Variants in SEPTIN6 observed in about 807,000 individuals in gnomAD.
SEPTIN6 encodes the protein septin-6.
In SEPTIN6, 8 loss-of-function variants were observed where a neutral mutation model predicts 33.6. That is an observed-to-expected ratio of 0.24 (90% CI 0.14 to 0.43). SEPTIN6 has a LOEUF of 0.43. Ranked by LOEUF, SEPTIN6 falls within the 20% of genes least tolerant of loss-of-function variation. SEPTIN6 has a pLI of 1.00. For missense variants in SEPTIN6, 250 were observed against 340.8 expected (o/e 0.73, Z 2.10); for synonymous variants, 131 against 140.0 (o/e 0.94, Z 0.45).
At chrX:119,685,885 T>C (rs2055047206) in intron 1 of SEPTIN6, among the ~76,000 whole-genome samples, 1 of 111,242 alleles carries the variant, frequency 9.0e-6, no homozygotes, top group Admixed American at 9.6e-5. Context: ...CCCCACTTTT[T>C]CCTCCTGTTT....
rs572959379 is a variant in SEPTIN6, at chrX:119,648,320, T to C, written c.690+1617A>G. The stretch of plus-strand genomic sequence containing the variant: ...CAAGCCTGCAAGCTGCTTGATGACT[T>C]AGGGCATCAGTGTTCAGAAGGTCTC... On this transcript the variant is annotated intron_variant, in intron 5 of 10. Coordinates refer to ENST00000394610, the MANE Select transcript of SEPTIN6 (RefSeq NM_145799.4). 4.7e-4 allele frequency among the ~76,000 whole-genome samples: 52 copies of C among 111,197 alleles called. No individual in the cohort carries two copies. In the South Asian group the frequency reaches 0.02, roughly 42 times the overall value.
Position 119,618,688 on chromosome X carries a change from G to A in SEPTIN6, c.*1405C>T. 1.7e-6 allele frequency: 2 copies of A among 1,198,086 alleles called. No individual in the cohort carries two copies. Among genetic ancestry groups the A allele is most frequent in the Non-Finnish European group, 2.3e-6 (2 of 888,605 alleles). On this transcript the variant is annotated 3_prime_UTR_variant, in exon 11 of 11. Coordinates refer to ENST00000394610, the MANE Select transcript of SEPTIN6 (RefSeq NM_145799.4). The stretch of plus-strand genomic sequence containing the variant: ...GGCCTCGCTGCCTGGCACCCCAAAG[G>A]AAAGCTGTCAGTTAAAATAGGAACC...
intron 1 of SEPTIN6, among the ~76,000 whole-genome samples, chrX:119,691,025 G>A (rs2055163962): frequency 9.0e-6 from 1 of 111,460 alleles, no homozygotes; most frequent in African/African-American, 3.3e-5. Flanking sequence ...GGTCTCGAGT[G>A]CTTAGGCTGC....
chrX:119,673,774 G>A (rs1348256567), intron 2 of SEPTIN6, among the ~76,000 whole-genome samples: 1 of 103,311 alleles, frequency 9.7e-6, no homozygotes, highest in Non-Finnish European at 2.0e-5. Context: ...CCCGGAAGGT[G>A]GAGGTTGCAG....
At chrX:119,680,611 G>C (rs1441473655) in intron 1 of SEPTIN6, among the ~76,000 whole-genome samples, 1 of 111,356 alleles carries the variant, frequency 9.0e-6, no homozygotes, top group African/African-American at 3.3e-5. Flanking sequence ...ATAGAACCTG[G>C]TCAATGTGTT....
chrX:119,685,172 C>T (rs771059061), intron 1 of SEPTIN6, among the ~76,000 whole-genome samples: 16 of 112,109 alleles, frequency 1.4e-4, no homozygotes, highest in Non-Finnish European at 2.4e-4. Context: ...ATTAAGTAGC[C>T]GGCTCTTCTA....
chrX:119,670,245 T>A (rs1326971961), intron 2 of SEPTIN6, among the ~76,000 whole-genome samples: 1 of 111,233 alleles, frequency 9.0e-6, no homozygotes, highest in Non-Finnish European at 1.9e-5. Context: ...ATGTTCACAC[T>A]CATGTGCCTA....
intron 2 of SEPTIN6, among the ~76,000 whole-genome samples, chrX:119,669,346 C>G (rs1014425981): frequency 8.8e-5 from 10 of 113,011 alleles, no homozygotes; most frequent in African/African-American, 3.2e-4. Flanking sequence ...GCCACAATCC[C>G]TGTTCTTGTG....
At chrX:119,665,104 T>C (rs1314430193) in intron 2 of SEPTIN6, among the ~76,000 whole-genome samples, 2 of 92,216 alleles carry the variant, frequency 2.2e-5, no homozygotes, top group Non-Finnish European at 4.2e-5. Flanking sequence ...CTTCTTCTTC[T>C]TTTTTTTTTT....
At chrX:119,677,896 A>G (rs1323417706) in intron 1 of SEPTIN6, among the ~76,000 whole-genome samples, 1 of 112,746 alleles carries the variant, frequency 8.9e-6, no homozygotes, top group Non-Finnish European at 1.9e-5. Context: ...ATATGCCATC[A>G]TTCAGTGAGA....
intron 10 of SEPTIN6, chrX:119,624,029 T>C: frequency 3.0e-6 from 1 of 337,863 alleles, no homozygotes; most frequent in Non-Finnish European, 5.8e-6. Context: ...TCAGGAATCC[T>C]TACCTGCTGA....
intron 6 of SEPTIN6, among the ~76,000 whole-genome samples, chrX:119,637,657 CCA>C (rs2054090830): frequency 1.0e-5 from 1 of 98,528 alleles, no homozygotes; most frequent in African/African-American, 3.8e-5. Context: ...ATCTATCTAT[CCA>C]TCCATCCATC....
chrX:119,643,788 C>T (rs926561146), intron 5 of SEPTIN6, among the ~76,000 whole-genome samples: 5 of 111,320 alleles, frequency 4.5e-5, no homozygotes, highest in African/African-American at 1.6e-4. Context: ...GAAGCAGCAG[C>T]GAGGCCACCG....
At chrX:119,684,784 C>A (rs1421303724) in intron 1 of SEPTIN6, among the ~76,000 whole-genome samples, 1 of 111,946 alleles carries the variant, frequency 8.9e-6, no homozygotes, top group Non-Finnish European at 1.9e-5. Flanking sequence ...AGCCCCCGCA[C>A]ACAGCCAAGT....
At chrX:119,634,005 A>C (rs1039098207) in intron 7 of SEPTIN6, among the ~76,000 whole-genome samples, 1 of 112,200 alleles carries the variant, frequency 8.9e-6, no homozygotes, top group Non-Finnish European at 1.9e-5. Context: ...GCCAACAGCC[A>C]TCATACCTGC....
intron 1 of SEPTIN6, among the ~76,000 whole-genome samples, chrX:119,690,258 C>G (rs901160768): frequency 9.1e-6 from 1 of 109,867 alleles, no homozygotes; most frequent in African/African-American, 3.3e-5. Context: ...TACCCAACAA[C>G]TTGAAGGCTT....
At chrX:119,637,879 C>T (rs2054096427) in intron 6 of SEPTIN6, among the ~76,000 whole-genome samples, 1 of 112,375 alleles carries the variant, frequency 8.9e-6, no homozygotes, top group Admixed American at 9.5e-5. Flanking sequence ...CAATAAAGCT[C>T]AGAAGAGGGG....
chrX:119,636,923 C>T (rs1030152443), intron 7 of SEPTIN6, 104 bp downstream of exon 7: 1 of 975,499 alleles, frequency 1.0e-6, no homozygotes, highest in East Asian at 3.2e-5. Flanking sequence ...TCTTAGCACC[C>T]GTGTCTCGCC....
intron 1 of SEPTIN6, among the ~76,000 whole-genome samples, chrX:119,690,330 C>A (rs2055143080): frequency 1.1e-5 from 1 of 93,298 alleles, no homozygotes; most frequent in Non-Finnish European, 2.1e-5. Flanking sequence ...AAGAACACAC[C>A]CCCCACATAC....
Sources: gnomAD v4.1 joint callset for allele counts (sites outside exome capture counted in the v4.1 genomes callset) on GRCh38, gnomAD v4.1.1 for gene constraint, MANE v1.5 for transcripts, NCBI Gene and HGNC (gene_info 2026-07-23, HGNC 2026-07-21) for gene names.